The following HECTD4 variants were observed in gnomAD, a reference collection of about 807,000 sequenced individuals.
The protein encoded by HECTD4 is HECT domain E3 ubiquitin protein ligase 4.
A neutral mutation model predicts 471.5 loss-of-function variants in HECTD4; 114 were observed. The observed-to-expected ratio is 0.24, with a 90% CI of 0.21 to 0.28. The LOEUF (loss-of-function observed/expected upper bound fraction) is 0.28. Among genes scored for constraint, HECTD4 ranks in the 10% least tolerant of loss-of-function variants. The pLI, the probability that HECTD4 is intolerant of heterozygous loss-of-function variation, is 1.00. For missense variants in HECTD4, 3,866 were observed against 5,651.5 expected, an observed-to-expected ratio of 0.68 and a Z score of 10.13; for synonymous variants, 2,012 against 2,256.0, an observed-to-expected ratio of 0.89 and a Z score of 3.07.
intron 7 of HECTD4, among the ~76,000 whole-genome samples, chr12:112,290,260 C>T (rs987353517): frequency 1.3e-5 from 2 of 151,474 alleles, no homozygotes; most frequent in African/African-American, 4.9e-5. Flanking sequence ...GTTGAGGCTA[C>T]AGTAAGCCGT....
intron 54 of HECTD4, among the ~76,000 whole-genome samples, 159 bp from the exon 55 acceptor site, chr12:112,200,957 C>CTATT (rs1181746250): frequency 6.6e-6 from 1 of 151,614 alleles, no homozygotes; most frequent in Non-Finnish European, 1.5e-5. Flanking sequence ...TAACTAATTG[C>CTATT]TATTTCATAG....
intron 60 of HECTD4, 99 bp from the exon 61 acceptor site, chr12:112,185,592 G>C (rs2031833508): frequency 1.1e-6 from 1 of 879,062 alleles, no homozygotes; most frequent in African/African-American, 1.7e-5. Flanking sequence ...ACAACCCTGT[G>C]AACACTGACT....
At chr12:112,374,843 C>CT (rs1197148188) in intron 1 of HECTD4, among the ~76,000 whole-genome samples, 1 of 152,192 alleles carries the variant, frequency 6.6e-6, no homozygotes, top group African/African-American at 2.4e-5. Flanking sequence ...CCAAATGCCC[C>CT]TTTTCTTATC....
chr12:112,221,021 G>A lies in HECTD4; in HGVS notation c.6971-1532C>T, dbSNP rs867686353. 3.3e-5 allele frequency among the ~76,000 whole-genome samples: 5 copies of A among 151,834 alleles called. 1 individual carries two copies. The highest frequency in any genetic ancestry group is 4.2e-4 in the South Asian group (2 of 4,780). On this transcript the variant is annotated intron_variant, in intron 44 of 75. Transcript: ENST00000682272. ...GGCTGGAGTGCAATGGCGCAATCTC[G>A]GCTCACTGCAACCTCTGCTTCCCAG...
intron 62 of HECTD4, among the ~76,000 whole-genome samples, chr12:112,182,673 A>G (rs182350608): frequency 1.3e-5 from 2 of 152,390 alleles, no homozygotes; most frequent in Non-Finnish European, 2.9e-5. Flanking sequence ...ACAAGCCCAC[A>G]TTCAAGCCTG....
chr12:112,209,631 A>G (rs1179273057), intron 50 of HECTD4, among the ~76,000 whole-genome samples: 2 of 152,204 alleles, frequency 1.3e-5, no homozygotes, highest in Non-Finnish European at 2.9e-5. Context: ...TGACCATCAT[A>G]AAAGTTTTTA....
chr12:112,283,054 C>T (rs1490672566), intron 8 of HECTD4, 56 bp downstream of exon 8: 8 of 1,416,284 alleles, frequency 5.6e-6, no homozygotes, highest in African/African-American at 1.4e-5. Context: ...CTCAATAAGA[C>T]GTAGCTGAAC....
rs1323390847 is a variant in HECTD4 at position 112,283,861 on chromosome 12, AT to A, written c.1336-560del. On this transcript the variant is annotated intron_variant, in intron 7 of 75. Transcript: ENST00000682272. Reference sequence around the variant, plus strand: ...CAGTTCTTTCATTCATCACTTGGTTATTCCCCAGAAAAATCTTTGGAGTGGT... The same window carrying A: ...CAGTTCTTTCATTCATCACTTGGTTATCCCCAGAAAAATCTTTGGAGTGGT... Among the ~76,000 whole-genome samples the A allele has an allele frequency of 2.6e-5, 4 of 151,602 alleles. No homozygotes were observed. The South Asian group carries it at 8.3e-4, about 31-fold the overall frequency.
At chr12:112,210,587 T>C (rs977701536) in intron 49 of HECTD4, among the ~76,000 whole-genome samples, 2 of 152,234 alleles carry the variant, frequency 1.3e-5, no homozygotes, top group Non-Finnish European at 2.9e-5. Flanking sequence ...ACCTGGAATA[T>C]TCTTTTGTCC....
At chr12:112,366,023 G>A (rs1008268164) in intron 1 of HECTD4, among the ~76,000 whole-genome samples, 2 of 151,966 alleles carry the variant, frequency 1.3e-5, no homozygotes, top group East Asian at 1.9e-4. Context: ...CGATCCACCC[G>A]CCTCAGCCTC....
intron 21 of HECTD4, 69 bp downstream of exon 21, chr12:112,256,251 G>T: frequency 3.4e-6 from 4 of 1,178,708 alleles, no homozygotes; most frequent in Non-Finnish European, 4.6e-6. Flanking sequence ...CAGCAGCAAA[G>T]AAAAATAAGA....
chr12:112,315,813 T>G (rs986881283), intron 2 of HECTD4, among the ~76,000 whole-genome samples: 6 of 150,546 alleles, frequency 4.0e-5, no homozygotes, highest in African/African-American at 1.5e-4. Context: ...GGAGGATTGC[T>G]TGAACACAGG....
At chr12:112,241,813 T>C (rs2033647443) in intron 32 of HECTD4, among the ~76,000 whole-genome samples, 2 of 152,316 alleles carry the variant, frequency 1.3e-5, no homozygotes, top group Non-Finnish European at 2.9e-5. Flanking sequence ...AATAATAGTC[T>C]GACCTCTCCT....
rs2137027290 is a variant in HECTD4 at position 112,184,253 on chromosome 12, G to A, written c.10713C>T (p.Tyr3571=). ...TASVSDMGSM[Y]TVTSLDNQPL... is the part of the protein sequence containing the mutation. ...GCTGGTTGTCCAGGGAAGTGACTGTGTACATGGAGCCCATGTCCGACACCG... is the reference window on the plus strand; with the variant it reads ...GCTGGTTGTCCAGGGAAGTGACTGTATACATGGAGCCCATGTCCGACACCG... Residue 3571 remains tyrosine, a synonymous_variant, in exon 61 of 76, where the codon TAC becomes TAT. Coordinates refer to ENST00000682272, the MANE Select transcript of HECTD4 (RefSeq NM_001388303.1). The surrounding 1 kb of genome is among the most constrained non-coding windows in gnomAD (Gnocchi z 9.1). 2 of 1,613,580 alleles carry A rather than the reference G, an allele frequency of 1.2e-6. No individual in the cohort carries two copies. The highest frequency in any genetic ancestry group is 1.1e-5 in the South Asian group (1 of 91,084).
chr12:112,365,772 GTTTTTTT>G (rs5800943), intron 1 of HECTD4, among the ~76,000 whole-genome samples: 2 of 91,978 alleles, frequency 2.2e-5, no homozygotes, highest in East Asian at 6.9e-4. Flanking sequence ...TTTTTTTTTT[GTTTTTTT>G]TTTTTTTTTT....
Position 112,164,141 on chromosome 12 carries a change from C to T in HECTD4, c.12669G>A (p.Glu4223=). 2.5e-6 allele frequency: 4 copies of T among 1,611,988 alleles called. No homozygotes were observed. The highest frequency in any genetic ancestry group is 3.4e-6 in the Non-Finnish European group (4 of 1,179,424). The change falls in exon 73 of 76, where the codon GAG becomes GAA. Residue 4223 remains glutamate, a synonymous_variant. Transcript: ENST00000682272. ...GGATGTGCCGGCCCCGGCTGCACAG[C>T]TCCACCTCCTCGCCCGTCATGGTCA... ...TYLTMTGEEV[E]LCSRGRHILV...
At chr12:112,302,871 T>C (rs536166669) in intron 7 of HECTD4, among the ~76,000 whole-genome samples, 5 of 152,208 alleles carry the variant, frequency 3.3e-5, no homozygotes, top group Admixed American at 1.3e-4. Context: ...GCTGAACCCC[T>C]GGCTTCAATC....
chr12:112,183,620 C>T (rs1012955680), intron 61 of HECTD4, among the ~76,000 whole-genome samples: 5 of 152,192 alleles, frequency 3.3e-5, no homozygotes, highest in Admixed American at 1.3e-4. Context: ...CTGCTTGATC[C>T]TTCAACCCTC....
intron 48 of HECTD4, among the ~76,000 whole-genome samples, chr12:112,215,191 G>A (rs191582836): frequency 3.3e-5 from 5 of 152,070 alleles, no homozygotes; most frequent in African/African-American, 1.2e-4. Context: ...CAAAAAAACC[G>A]CACTGTGCTC....
Sources: allele counts gnomAD v4.1 joint callset (sites outside exome capture counted in the v4.1 genomes callset), GRCh38; gene constraint gnomAD v4.1.1; non-coding constraint Gnocchi (gnomAD v3.1); transcripts MANE v1.5; gene names NCBI Gene and HGNC (gene_info 2026-07-23, HGNC 2026-07-21).